The following HIVEP1 variants were observed in gnomAD, a reference collection of about 807,000 sequenced individuals.
HIVEP1 encodes the protein zinc finger protein 40.
HIVEP1 carries 36 observed loss-of-function variants against 180.0 expected under a neutral mutation model. That is an observed-to-expected ratio of 0.20 (90% CI 0.15 to 0.26). HIVEP1 has a LOEUF of 0.26. Ranked by LOEUF, HIVEP1 falls within the 10% of genes least tolerant of loss-of-function variation. HIVEP1 has a pLI of 1.00. For synonymous variants in HIVEP1, 1,239 were observed against 1,239.0 expected (o/e 1.00, Z 0.00); for missense variants, 3,143 against 3,268.7 (o/e 0.96, Z 0.94).
At chr6:12,080,624 A>G (rs908582369) in intron 2 of HIVEP1, among the ~76,000 whole-genome samples, 4 of 152,160 alleles carry the variant, frequency 2.6e-5, no homozygotes, top group South Asian at 2.1e-4. Context: ...TAGTTGATCT[A>G]TGATCTTAAA....
intron 2 of HIVEP1, among the ~76,000 whole-genome samples, chr6:12,040,630 T>G (rs1769617588): frequency 6.6e-6 from 1 of 152,242 alleles, no homozygotes; most frequent in Non-Finnish European, 1.5e-5. Flanking sequence ...TTGTGTGATT[T>G]AAATTTTTGA....
intron 2 of HIVEP1, among the ~76,000 whole-genome samples, chr6:12,056,567 A>T (rs1048439540): frequency 6.6e-6 from 1 of 152,178 alleles, no homozygotes; most frequent in Admixed American, 6.5e-5. Flanking sequence ...GGATTTGTCT[A>T]ATTAGATTAT....
intron 2 of HIVEP1, among the ~76,000 whole-genome samples, chr6:12,021,202 T>G (rs921875656): frequency 6.6e-6 from 1 of 152,176 alleles, no homozygotes; most frequent in African/African-American, 2.4e-5. Context: ...CCTTAAAATG[T>G]GAGAAGTAGC....
In HIVEP1 at chr6:12,137,107, G is replaced by C. The variant is rs897774710; in HGVS notation, c.6487+1215G>C. On this transcript the variant is annotated intron_variant, in intron 7 of 8. Coordinates refer to ENST00000379388, the MANE Select transcript of HIVEP1 (RefSeq NM_002114.4). ...TGAATTTACTTATAAATATACAAGAGAAATGACTCACGTCTTCAGTGATAC... is the reference window on the plus strand; with the variant it reads ...TGAATTTACTTATAAATATACAAGACAAATGACTCACGTCTTCAGTGATAC... 4.6e-5 allele frequency among the ~76,000 whole-genome samples: 7 copies of C among 152,284 alleles called. No homozygotes were observed. The East Asian group carries it at 1.3e-3, about 29-fold the overall frequency.
chr6:12,113,047 T>C (rs1775002678), intron 3 of HIVEP1, among the ~76,000 whole-genome samples: 1 of 151,998 alleles, frequency 6.6e-6, no homozygotes, highest in South Asian at 2.1e-4. Flanking sequence ...CTGTCCACTC[T>C]GCTTACACGC....
At chr6:12,184,022 T>TAGATAGATAGATAGACAGAC in the HIVEP1 span, among the ~76,000 whole-genome samples, 219 of 101,906 alleles carry the variant, frequency 2.1e-3, no homozygotes, top group African/African-American at 4.6e-3. Flanking sequence ...GATAGATAGA[T>TAGATAGATAGATAGACAGAC]AGACAGACAG....
chr6:12,055,252 A>C (rs1770786184), intron 2 of HIVEP1, among the ~76,000 whole-genome samples: 1 of 152,224 alleles, frequency 6.6e-6, no homozygotes, highest in African/African-American at 2.4e-5. Flanking sequence ...AGGCGGACGA[A>C]TCACGAGGTC....
At chr6:12,167,565 A>T (rs1282308396), downstream of HIVEP1, among the ~76,000 whole-genome samples, 1 of 45,652 alleles carries the variant, frequency 2.2e-5, no homozygotes. Flanking sequence ...TATATATTAC[A>T]TGCATGTTAT....
chr6:12,179,855 ACTT>A, the HIVEP1 span, among the ~76,000 whole-genome samples: 3 of 152,144 alleles, frequency 2.0e-5, no homozygotes, highest in Non-Finnish European at 4.4e-5. Context: ...ATTTATACTT[ACTT>A]ATTTATTATT....
intron 6 of HIVEP1, among the ~76,000 whole-genome samples, chr6:12,132,879 C>CTT (rs1246539802): frequency 6.6e-6 from 1 of 152,048 alleles, no homozygotes; most frequent in African/African-American, 2.4e-5. Context: ...TTTTTGAAGT[C>CTT]TACTTTTTGT....
chr6:12,157,216 G>A (rs1309373022), intron 7 of HIVEP1, among the ~76,000 whole-genome samples: 1 of 152,038 alleles, frequency 6.6e-6, no homozygotes, highest in African/African-American at 2.4e-5. Flanking sequence ...TATTTAAAAT[G>A]CGTTTCTTAT....
the HIVEP1 span, among the ~76,000 whole-genome samples, chr6:12,194,803 AAAAC>A: frequency 6.6e-6 from 1 of 152,190 alleles, no homozygotes; most frequent in Non-Finnish European, 1.5e-5. Flanking sequence ...CTGTGTCTCA[AAAAC>A]AAACAAACAA....
intron 7 of HIVEP1, among the ~76,000 whole-genome samples, chr6:12,152,288 G>C (rs189063507): frequency 6.6e-6 from 1 of 152,342 alleles, no homozygotes; most frequent in African/African-American, 2.4e-5. Context: ...CAAGTGTTTT[G>C]AGTCCATAAC....
At chr6:12,044,708 C>T (rs1008127938) in intron 2 of HIVEP1, among the ~76,000 whole-genome samples, 2 of 150,704 alleles carry the variant, frequency 1.3e-5, no homozygotes, top group South Asian at 4.2e-4. Flanking sequence ...TTTCTGTCCC[C>T]CATTCAAAGC....
At chr6:12,101,769 A>G (rs1472144856) in intron 3 of HIVEP1, among the ~76,000 whole-genome samples, 2 of 152,132 alleles carry the variant, frequency 1.3e-5, no homozygotes, top group Admixed American at 6.5e-5. Context: ...TATCAATAAT[A>G]TGAATGGATT....
chr6:12,189,356 T>A, the HIVEP1 span, among the ~76,000 whole-genome samples: 14 of 152,162 alleles, frequency 9.2e-5, no homozygotes, highest in South Asian at 1.2e-3. Flanking sequence ...AGAAATTTTT[T>A]AAAAATTGCA....
chr6:12,113,980 AT>A (rs1484257190), intron 3 of HIVEP1, among the ~76,000 whole-genome samples: 1 of 151,722 alleles, frequency 6.6e-6, no homozygotes, highest in East Asian at 1.9e-4. Flanking sequence ...TATTTAATTA[AT>A]TTTTCTGTCT....
the HIVEP1 span, among the ~76,000 whole-genome samples, chr6:12,176,472 T>A: frequency 6.6e-6 from 1 of 152,124 alleles, no homozygotes; most frequent in Non-Finnish European, 1.5e-5. Context: ...CCTCAGGTGA[T>A]CCACCTGCCT....
intron 2 of HIVEP1, among the ~76,000 whole-genome samples, chr6:12,066,413 T>G (rs1771587474): frequency 6.6e-6 from 1 of 152,232 alleles, no homozygotes; most frequent in Non-Finnish European, 1.5e-5. Flanking sequence ...TTGTCTAACT[T>G]AGTCTCTTTG....
Sources: gnomAD v4.1 joint callset for allele counts (sites outside exome capture counted in the v4.1 genomes callset) on GRCh38, gnomAD v4.1.1 for gene constraint, MANE v1.5 for transcripts, NCBI Gene and HGNC (gene_info 2026-07-23, HGNC 2026-07-21) for gene names.